The following PRICKLE1 variants were observed in gnomAD, a reference collection of about 807,000 sequenced individuals.
PRICKLE1 encodes the protein prickle-like protein 1.
Under a neutral mutation model 70.2 loss-of-function variants are expected in PRICKLE1, and 14 were observed. The ratio of observed to expected loss-of-function variants is 0.20; its 90% CI spans 0.13 to 0.31. The LOEUF (loss-of-function observed/expected upper bound fraction) is 0.31. Ranked by LOEUF, PRICKLE1 falls within the 10% of genes least tolerant of loss-of-function variation. The probability of loss-of-function intolerance (pLI) is 1.00; values close to 1 mark genes in which losing one functional copy is unlikely to be tolerated. For missense variants in PRICKLE1, 821 were observed against 1,026.2 expected (o/e 0.80, Z 2.73); for synonymous variants, 357 against 379.9 (o/e 0.94, Z 0.70).
At chr12:42,461,807 ATTTTT>A (rs1370700297) in intron 7 of PRICKLE1, among the ~76,000 whole-genome samples, 1 of 151,396 alleles carries the variant, frequency 6.6e-6, no homozygotes, top group African/African-American at 2.4e-5. Flanking sequence ...CTTCGTACTT[ATTTTT>A]TTTTGAGATG....
intron 7 of PRICKLE1, among the ~76,000 whole-genome samples, chr12:42,463,073 C>A (rs1431073359): frequency 1.3e-5 from 2 of 152,196 alleles, no homozygotes; most frequent in African/African-American, 2.4e-5. Context: ...GTAATCCCAG[C>A]ACTTTGGGAG....
chr12:42,524,820 C>G (rs867457008), intron 1 of PRICKLE1: 3 of 152,178 alleles, frequency 2.0e-5, no homozygotes, highest in Admixed American at 6.5e-5. Context: ...GTTAAGGACA[C>G]GAATTCTGGA....
chr12:42,580,688 C>T (rs1940882964), intron 1 of PRICKLE1, among the ~76,000 whole-genome samples: 1 of 152,160 alleles, frequency 6.6e-6, no homozygotes, highest in Non-Finnish European at 1.5e-5. Context: ...ATGCGCCAGG[C>T]ACTGTGGTAG....
chr12:42,519,016 T>C (rs1469585079), intron 1 of PRICKLE1, among the ~76,000 whole-genome samples: 1 of 152,058 alleles, frequency 6.6e-6, no homozygotes, highest in Non-Finnish European at 1.5e-5. Flanking sequence ...AGACCTGAAA[T>C]GTTGCAAAGA....
chr12:42,561,721 T>C (rs1255691189), intron 1 of PRICKLE1, among the ~76,000 whole-genome samples: 1 of 152,136 alleles, frequency 6.6e-6, no homozygotes, highest in African/African-American at 2.4e-5. Context: ...ACTCAATGCT[T>C]ACACACAGTA....
chr12:42,460,057 G>A lies in PRICKLE1; in HGVS notation c.2248C>T (p.Arg750Trp), dbSNP rs1156455994. The change falls in exon 8 of 8, where the codon CGG (arginine) becomes TGG (tryptophan). Residue 750 changes from arginine to tryptophan, a missense_variant. Arg to Trp is a moderately radical substitution (Grantham distance 101). Transcript: ENST00000345127. ...DYGLQNPGMNRFLGLYGEDDD... is the reference protein window; with the variant it reads ...DYGLQNPGMNWFLGLYGEDDD... ...TCCTCGCCGTAGAGTCCCAGAAACCGATTCATTCCTGGGTTCTGCAGGCCA... is the reference window on the plus strand; with the variant it reads ...TCCTCGCCGTAGAGTCCCAGAAACCAATTCATTCCTGGGTTCTGCAGGCCA... 3.7e-6 allele frequency: 6 copies of A among 1,614,100 alleles called. No homozygotes were observed. The highest frequency in any genetic ancestry group is 4.5e-5 in the East Asian group (2 of 44,860).
intron 1 of PRICKLE1, among the ~76,000 whole-genome samples, chr12:42,526,140 G>A (rs1939794689): frequency 6.6e-6 from 1 of 152,222 alleles, no homozygotes; most frequent in African/African-American, 2.4e-5. Flanking sequence ...ATTAAGCTCA[G>A]CCGGTAGAAT....
At chr12:42,559,237 T>C (rs1426278266) in intron 1 of PRICKLE1, among the ~76,000 whole-genome samples, 3 of 152,288 alleles carry the variant, frequency 2.0e-5, no homozygotes, top group Middle Eastern at 3.4e-3. Context: ...TATAAGCCAT[T>C]TGAACTGTCA....
Position 42,460,357 on chromosome 12 carries a change from G to A in PRICKLE1, c.1948C>T (p.Pro650Ser). The change falls in exon 8 of 8, where the codon CCT becomes TCT. Residue 650 changes from proline to serine, a missense_variant. By Grantham distance (74) the Pro-to-Ser change is moderately conservative. Coordinates refer to ENST00000345127, the MANE Select transcript of PRICKLE1 (RefSeq NM_153026.3). ...CTCCGAGTCCTTTCACTCATCGGAG[G>A]CTGCCGGATTTCAATGTCATAGTTC... ...NGNYDIEIRQ[P>S]PMSERTRRRV... 6.2e-7 allele frequency: 1 copy of A among 1,614,100 alleles called. No individual in the cohort carries two copies. Among genetic ancestry groups the A allele is most frequent in the Non-Finnish European group, 8.5e-7 (1 of 1,180,024 alleles).
At chr12:42,499,262 G>T (rs570173197) in intron 1 of PRICKLE1, among the ~76,000 whole-genome samples, 4 of 152,262 alleles carry the variant, frequency 2.6e-5, no homozygotes, top group Admixed American at 6.5e-5. Context: ...CAGGTAATTT[G>T]GGAAGGAGCC....
At chr12:42,489,988 G>A (rs185270922) in intron 1 of PRICKLE1, 2 of 152,202 alleles carry the variant, frequency 1.3e-5, no homozygotes, top group African/African-American at 4.8e-5. Flanking sequence ...TTGACTTAGA[G>A]ACTTCGCATT....
intron 1 of PRICKLE1, among the ~76,000 whole-genome samples, chr12:42,491,947 C>G (rs1939113225): frequency 6.6e-6 from 1 of 151,850 alleles, no homozygotes; most frequent in Non-Finnish European, 1.5e-5. Flanking sequence ...CCACGCCCGG[C>G]TAATTTTTTT....
chr12:42,503,911 GTT>G (rs2140185064), intron 1 of PRICKLE1, among the ~76,000 whole-genome samples: 1 of 152,252 alleles, frequency 6.6e-6, no homozygotes, highest in South Asian at 2.1e-4. Flanking sequence ...GCGGGTTCTG[GTT>G]ATTTAGTTAA....
chr12:42,483,723 C>G lies in PRICKLE1; in HGVS notation c.-48-11159G>C, dbSNP rs548352060. 7.3e-3 allele frequency: 1,110 copies of G among 151,684 alleles called. 8 individuals carry two copies. The highest frequency in any genetic ancestry group is 0.048 in the Middle Eastern group (14 of 294). The allele number at this position is 151,684 out of a possible 1,614,324, so 9.4% of individuals were successfully genotyped here. ...ACTTTCCCCCCCGGCCGGTCCCCGC[C>G]GAGCTCCCTGGCGGCGCAGCGCGGC... On this transcript the variant is annotated intron_variant, in intron 1 of 7. Transcript: ENST00000345127.
intron 1 of PRICKLE1, among the ~76,000 whole-genome samples, chr12:42,555,939 T>C (rs995043071): frequency 7.9e-5 from 12 of 152,204 alleles, no homozygotes; most frequent in African/African-American, 2.7e-4. Context: ...CACTATTTAA[T>C]CACCAAATTT....
intron 1 of PRICKLE1, among the ~76,000 whole-genome samples, chr12:42,562,313 T>C (rs1355313722): frequency 1.3e-5 from 2 of 152,140 alleles, no homozygotes; most frequent in Non-Finnish European, 2.9e-5. Flanking sequence ...AAAGGAATGA[T>C]TAGGACAGGG....
chr12:42,539,995 G>C (rs1940083230), intron 1 of PRICKLE1, among the ~76,000 whole-genome samples: 1 of 152,180 alleles, frequency 6.6e-6, no homozygotes, highest in African/African-American at 2.4e-5. Context: ...AAAATCAACT[G>C]TGATCAGTAC....
intron 1 of PRICKLE1, among the ~76,000 whole-genome samples, chr12:42,556,683 A>G (rs1450369597): frequency 6.6e-6 from 1 of 152,240 alleles, no homozygotes; most frequent in East Asian, 1.9e-4. Flanking sequence ...AGAAGTTTAT[A>G]TAGTCAAGTT....
At chr12:42,466,026 C>G (rs1938082434) in intron 6 of PRICKLE1, 168 bp downstream of exon 6, 2 of 730,862 alleles carry the variant, frequency 2.7e-6, no homozygotes, top group East Asian at 5.4e-5. Context: ...AATCAACTCT[C>G]TGTTCATTTG....
Sources: allele counts gnomAD v4.1 joint callset (sites outside exome capture counted in the v4.1 genomes callset), GRCh38; gene constraint gnomAD v4.1.1; transcripts MANE v1.5; gene names NCBI Gene and HGNC (gene_info 2026-07-23, HGNC 2026-07-21).